Variants in SCN11A observed in about 807,000 individuals in gnomAD.
The protein encoded by SCN11A is sodium channel protein type 11 subunit alpha.
SCN11A carries 122 observed loss-of-function variants against 162.2 expected under a neutral mutation model. The ratio of observed to expected loss-of-function variants is 0.75; its 90% CI spans 0.65 to 0.87. SCN11A has a LOEUF of 0.87. Ranked by LOEUF, SCN11A falls within the 40% of genes least tolerant of loss-of-function variation. The pLI is 0.00. For synonymous variants in SCN11A, 758 were observed against 751.5 expected, an observed-to-expected ratio of 1.01 and a Z score of -0.14; for missense variants, 2,015 against 2,181.6, an observed-to-expected ratio of 0.92 and a Z score of 1.52.
intron 28 of SCN11A, among the ~76,000 whole-genome samples, chr3:38,858,956 A>G (rs1183783628): frequency 1.3e-5 from 2 of 152,156 alleles, no homozygotes; most frequent in East Asian, 3.9e-4. Context: ...ATGGAAATTT[A>G]AAAATTCTTT....
intron 9 of SCN11A, among the ~76,000 whole-genome samples, chr3:38,921,552 C>T (rs768331530): frequency 9.9e-5 from 15 of 152,176 alleles, no homozygotes; most frequent in African/African-American, 2.9e-4. Context: ...ACATGCCACA[C>T]GGACTCAAGG....
intron 23 of SCN11A, among the ~76,000 whole-genome samples, chr3:38,877,065 ATATATATGGTGTATATACTATATATATGG>A (rs2065223403): frequency 1.5e-5 from 2 of 131,074 alleles, no homozygotes; most frequent in Non-Finnish European, 3.2e-5. Context: ...TATATATGGT[ATATATATGGTGTATATACTATATATATGG>A]TATATATATG....
chr3:38,904,028 C>T lies in SCN11A; in HGVS notation c.1679G>A (p.Cys560Tyr). 6.2e-7 allele frequency: 1 copy of T among 1,610,768 alleles called. No homozygotes were observed. Among genetic ancestry groups the T allele is most frequent in the Non-Finnish European group, 8.5e-7 (1 of 1,179,162 alleles). Reference sequence around the variant, plus strand: ...CTTCTTAACGCACAGCCACTGGGGGCAACAGTTCCACACGAGGTACTTGGA... The same window carrying T: ...CTTCTTAACGCACAGCCACTGGGGGTAACAGTTCCACACGAGGTACTTGGA... ...LASKYLVWNCCPQWLCVKKVL... is the reference protein window; with the variant it reads ...LASKYLVWNCYPQWLCVKKVL... The change falls in exon 16 of 30, where the codon TGC (cysteine) becomes TAC (tyrosine). Residue 560 changes from cysteine (C) to tyrosine (Y), a missense_variant. Cys to Tyr is a radical substitution (Grantham distance 194, BLOSUM62 -2). Transcript: ENST00000302328.
At position 39,024,619 on chromosome 3, in the gene SCN11A, TA is replaced by T. The variant is rs1435677201; in HGVS notation, c.-280+7760del. Among the ~76,000 whole-genome samples, 4 of 152,342 alleles carry T rather than the reference TA, an allele frequency of 2.6e-5. No homozygotes were observed. In the East Asian group the frequency reaches 7.7e-4, roughly 29 times the overall value. ...GTCATAAAACCAGAACATAATACTC[TA>T]ACTTTTCCTCTACCTTTCTGTGTAA... On this transcript the variant is annotated intron_variant, in intron 2 of 29. Transcript: ENST00000302328.
At chr3:39,009,938 G>A (rs367680456) in intron 2 of SCN11A, among the ~76,000 whole-genome samples, 41 of 146,204 alleles carry the variant, frequency 2.8e-4, no homozygotes, top group Admixed American at 7.9e-4. Context: ...TCCTACCTCC[G>A]CGTCTCAAAG....
intron 2 of SCN11A, among the ~76,000 whole-genome samples, chr3:39,001,101 C>T (rs1335949560): frequency 6.6e-6 from 1 of 152,230 alleles, no homozygotes. Flanking sequence ...ACCAAGGTTA[C>T]ATTAACCTCC....
At chr3:38,909,218 T>C (rs763943679) in intron 12 of SCN11A, 24 bp from the exon 13 acceptor site, 3 of 1,610,648 alleles carry the variant, frequency 1.9e-6, no homozygotes, top group East Asian at 4.5e-5. Flanking sequence ...AGCATGTTCT[T>C]GAATATCAAA....
chr3:39,003,951 A>G (rs759903598), intron 2 of SCN11A, among the ~76,000 whole-genome samples: 2 of 152,018 alleles, frequency 1.3e-5, no homozygotes, highest in African/African-American at 2.4e-5. Context: ...TAGTTTGCCA[A>G]TATTTTCTGC....
chr3:38,914,295 CTGTTGGTATA>C (rs2065927561), intron 11 of SCN11A, among the ~76,000 whole-genome samples: 3 of 151,722 alleles, frequency 2.0e-5, no homozygotes, highest in Admixed American at 1.3e-4. Flanking sequence ...CTCGGCTTGG[CTGTTGGTATA>C]CAGGAATGCT....
At chr3:38,993,265 TG>T (rs1288464986) in intron 2 of SCN11A, among the ~76,000 whole-genome samples, 1 of 152,104 alleles carries the variant, frequency 6.6e-6, no homozygotes, top group Non-Finnish European at 1.5e-5. Flanking sequence ...GGAGCGCCTC[TG>T]GGAGTTTTAT....
At position 38,879,959 on chromosome 3, in the gene SCN11A, G is replaced by T; in HGVS notation, c.3384C>A (p.Ile1128=). 6.2e-7 allele frequency: 1 copy of T among 1,612,318 alleles called. No homozygotes were observed. The highest frequency in any genetic ancestry group is 1.1e-5 in the South Asian group (1 of 90,790). ...GAGATGGTAAACTTACAATCACAATGATGAAATCAAGGCAGCACCAGGCAC... is the reference window on the plus strand; with the variant it reads ...GAGATGGTAAACTTACAATCACAATTATGAAATCAAGGCAGCACCAGGCAC... ...FTSAWCCLDF[I]IVIVSVTTLI... is the part of the protein sequence containing the mutation. Residue 1128 remains isoleucine, a synonymous_variant, in exon 23 of 30, where the codon ATC becomes ATA. Transcript: ENST00000302328.
intron 2 of SCN11A, among the ~76,000 whole-genome samples, chr3:39,020,049 T>C (rs2031406589): frequency 6.6e-6 from 1 of 152,222 alleles, no homozygotes; most frequent in Non-Finnish European, 1.5e-5. Context: ...TGTCTTTTTC[T>C]GACTATATGA....
intron 4 of SCN11A, chr3:38,950,710 G>C: frequency 3.6e-6 from 1 of 278,054 alleles, no homozygotes; most frequent in South Asian, 5.9e-5. Flanking sequence ...AGGCTGAGCC[G>C]GCTGAACTGC....
Position 38,894,686 on chromosome 3 carries a change from C to T in SCN11A, c.2682G>A (p.Gln894=), listed in dbSNP as rs2126116047. ...CAGAGGTTAGTATACCAAGCTCCTC[C>T]TGGGTCTCTGAGCCCCTTTTCATCT... ...VMEMKRGSET[Q]EELGILTSVP... Residue 894 remains glutamine, a synonymous_variant, in exon 19 of 30, where the codon CAG becomes CAA. Transcript: ENST00000302328. The T allele has an allele frequency of 1.9e-6, 3 of 1,614,184 alleles. No homozygotes were observed. The highest frequency in any genetic ancestry group is 1.6e-4 in the Middle Eastern group (1 of 6,062).
chr3:38,868,606 C>G (rs2065077685), intron 26 of SCN11A, among the ~76,000 whole-genome samples: 1 of 152,042 alleles, frequency 6.6e-6, no homozygotes, highest in Non-Finnish European at 1.5e-5. Context: ...TCAAAGCTCA[C>G]CCAATTTGTT....
intron 11 of SCN11A, among the ~76,000 whole-genome samples, chr3:38,911,788 T>A (rs1035056460): frequency 6.6e-6 from 1 of 152,210 alleles, no homozygotes; most frequent in African/African-American, 2.4e-5. Context: ...TTTTTGCTGT[T>A]CTTTTTTCAC....
chr3:38,995,631 C>T (rs533980417), intron 2 of SCN11A, among the ~76,000 whole-genome samples: 1 of 152,100 alleles, frequency 6.6e-6, no homozygotes, highest in Non-Finnish European at 1.5e-5. Context: ...CCTCAATATT[C>T]TCCTGCTCTT....
At chr3:38,990,676 T>C (rs924510152) in intron 2 of SCN11A, among the ~76,000 whole-genome samples, 1 of 152,170 alleles carries the variant, frequency 6.6e-6, no homozygotes, top group Middle Eastern at 3.2e-3. Context: ...AAGCCCTTTA[T>C]ATACTTTAAC....
chr3:38,925,936 C>T (rs1235692570), intron 8 of SCN11A, among the ~76,000 whole-genome samples: 1 of 152,260 alleles, frequency 6.6e-6, no homozygotes, highest in African/African-American at 2.4e-5. Context: ...CACTGTGCTT[C>T]ACCACCTTTC....
Sources: gnomAD v4.1 joint callset for allele counts (sites outside exome capture counted in the v4.1 genomes callset) on GRCh38, gnomAD v4.1.1 for gene constraint, MANE v1.5 for transcripts, NCBI Gene and HGNC (gene_info 2026-07-23, HGNC 2026-07-21) for gene names.